MXRA8: variants seen among roughly 807,000 people sequenced by gnomAD.
MXRA8 encodes the protein matrix remodeling-associated protein 8.
In MXRA8, 44 loss-of-function variants were observed where a neutral mutation model predicts 51.4. The ratio of observed to expected loss-of-function variants is 0.86; its 90% confidence interval spans 0.67 to 1.10. The LOEUF (loss-of-function observed/expected upper bound fraction) is 1.10. MXRA8 is among the 50% of genes least tolerant of loss of function. The pLI is 0.00. For missense variants in MXRA8, 765 were observed against 638.9 expected, an observed-to-expected ratio of 1.20 and a Z score of -2.13; for synonymous variants, 369 against 293.5, an observed-to-expected ratio of 1.26 and a Z score of -2.63.
upstream of MXRA8, among the ~76,000 whole-genome samples, chr1:1,360,507 T>TGGGGGGGGGGGGGGGGGC (rs75605518): frequency 2.0e-5 from 3 of 147,734 alleles, no homozygotes; most frequent in Non-Finnish European, 4.5e-5. Context: ...CGCTGGGGGG[T>TGGGGGGGGGGGGGGGGGC]GGTCTGCAGA....
Position 1,353,576 on chromosome 1 carries a change from C to T in MXRA8, c.*28G>A, listed in dbSNP as rs2100795832. On this transcript the variant is annotated 3_prime_UTR_variant, in exon 10 of 10. Transcript: ENST00000309212. ...AGCACAGACAGGAGAGGTGCAGCTG[C>T]TGGCCCAGCCAGGAGCCCAGGGCCT... 1.3e-6 allele frequency: 2 copies of T among 1,556,836 alleles called. No homozygotes were observed. Among genetic ancestry groups the T allele is most frequent in the East Asian group, 4.7e-5 (2 of 42,436 alleles).
At chr1:1,354,630 C>G in intron 5 of MXRA8, 52 bp downstream of exon 5, 1 of 1,541,416 alleles carries the variant, frequency 6.5e-7, no homozygotes, top group Non-Finnish European at 8.7e-7. Flanking sequence ...GCAGAGCAAC[C>G]CCCGGTGGGG....
chr1:1,355,427 GCCCCGGT>G lies in MXRA8; in HGVS notation c.376+16_376+22del, dbSNP rs745665405. The G allele has an allele frequency of 1.2e-4, 182 of 1,485,814 alleles. No individual in the cohort carries two copies. Among genetic ancestry groups the G allele is most frequent in the Non-Finnish European group, 1.5e-4 (168 of 1,126,460 alleles). The allele number at this position is 1,485,814 out of a possible 1,614,324, so 92.0% of individuals were successfully genotyped here. ...CCCGGACCCCTGCCCCGACCCCGCG[GCCCCGGT>G]CCCCGGTCCCCGCACCGCGGATGAG... On this transcript the variant is annotated intron_variant, in intron 3 of 9. Coordinates refer to ENST00000309212, the MANE Select transcript of MXRA8 (RefSeq NM_032348.4).
chr1:1,358,607 G>A (rs1242619337), upstream of MXRA8: 42 of 1,492,568 alleles, frequency 2.8e-5, no homozygotes, highest in Middle Eastern at 5.6e-4. Flanking sequence ...GTGACATCAC[G>A]GAGGCCTGGG....
In MXRA8 at chr1:1,353,160, G is replaced by A. The variant is rs1033385653; in HGVS notation, c.*444C>T. On this transcript the variant is annotated 3_prime_UTR_variant, in exon 10 of 10. Transcript: ENST00000309212. ...CTGACCCCAACTTCAAGGCTGCCAA[G>A]TTCTGATGGGAGTGTCCTCCTCCAG... 19 of 974,112 alleles carry A rather than the reference G, an allele frequency of 2.0e-5. No individual in the cohort carries two copies. In the African/African-American group the frequency reaches 2.9e-4, roughly 15 times the overall value. 60.3% of individuals were successfully genotyped at this position (974,112 alleles called of 1,614,324 possible). A position where few individuals can be genotyped will look rare whatever the true frequency, so the allele number is the denominator to read the frequency against.
In MXRA8 at chr1:1,355,515, T is replaced by C; in HGVS notation, c.311A>G (p.Asp104Gly). ...AGEQRVYEAR[D>G]RGRLELSASA... ...GGCCGAGAGCTCCAGGCGGCCGCGGTCCCGCGCCTCGTACACGCGCTGCTC... is the reference window on the plus strand; with the variant it reads ...GGCCGAGAGCTCCAGGCGGCCGCGGCCCCGCGCCTCGTACACGCGCTGCTC... The change falls in exon 3 of 10, where the codon GAC (aspartate) becomes GGC (glycine). Residue 104 changes from aspartate (D) to glycine (G), a missense_variant. By Grantham distance (94) the Asp-to-Gly change is moderately conservative. Coordinates refer to ENST00000309212, the MANE Select transcript of MXRA8 (RefSeq NM_032348.4). The C allele has an allele frequency of 6.7e-7, 1 of 1,502,002 alleles. No individual in the cohort carries two copies. Among genetic ancestry groups the C allele is most frequent in the Non-Finnish European group, 8.8e-7 (1 of 1,136,690 alleles). 93.0% of individuals were successfully genotyped at this position (1,502,002 alleles called of 1,614,324 possible). A position where few individuals can be genotyped will look rare whatever the true frequency, so the allele number is the denominator to read the frequency against.
At chr1:1,356,483 C>T (rs1644135408) in intron 2 of MXRA8, among the ~76,000 whole-genome samples, 198 bp downstream of exon 2, 1 of 143,552 alleles carries the variant, frequency 7.0e-6, no homozygotes, top group Non-Finnish European at 1.5e-5. Flanking sequence ...GGCCAGGCCC[C>T]CAAGGGCCCT....
At chr1:1,356,781 GT>G in intron 1 of MXRA8, 77 bp from the exon 2 acceptor site, 1 of 1,261,578 alleles carries the variant, frequency 7.9e-7, no homozygotes, top group Non-Finnish European at 1.0e-6. Context: ...GGCCCCCAGA[GT>G]CCCTCCTGTA....
chr1:1,363,511 C>T (rs1018393112), upstream of MXRA8, among the ~76,000 whole-genome samples: 8 of 151,744 alleles, frequency 5.3e-5, no homozygotes, highest in African/African-American at 7.3e-5. Flanking sequence ...TCAGAATCAC[C>T]GCAACCTCTG....
Position 1,354,912 on chromosome 1 carries a change from C to T in MXRA8, c.719G>A (p.Arg240His), listed in dbSNP as rs761825201. 6 of 1,609,656 alleles carry T rather than the reference C, an allele frequency of 3.7e-6. No homozygotes were observed. The highest frequency in any genetic ancestry group is 5.1e-6 in the Non-Finnish European group (6 of 1,178,646). Residue 240 changes from arginine (R) to histidine (H), a missense_variant, in exon 5 of 10, where the codon CGC becomes CAC. By Grantham distance (29) the Arg-to-His change is conservative (BLOSUM62 0). Coordinates refer to ENST00000309212, the MANE Select transcript of MXRA8 (RefSeq NM_032348.4). ...ERRAYGPLFL[R>H]DRVAVGADAF... The stretch of plus-strand genomic sequence containing the variant: ...ATCCGCGCCCACAGCCACGCGGTCG[C>T]GCAGAAAAAGGGGCCCGTAGGCGCG...
intron 4 of MXRA8, 38 bp from the exon 5 acceptor site, chr1:1,355,190 GCGGCGGTCGAGGGTC>G: frequency 7.1e-7 from 1 of 1,416,640 alleles, no homozygotes; most frequent in Non-Finnish European, 9.2e-7. Flanking sequence ...GCGGGCCGGG[GCGGCGGTCGAGGGTC>G]GAGGGGCGGG....
chr1:1,358,667 G>A, upstream of MXRA8: 1 of 1,408,116 alleles, frequency 7.1e-7, no homozygotes, highest in Non-Finnish European at 9.3e-7. Context: ...CGGGCCCCTT[G>A]GCCTCCCCCA....
At position 1,355,306 on chromosome 1, in the gene MXRA8, A is replaced by T; in HGVS notation, c.416T>A (p.Leu139Gln). Residue 139 changes from leucine to glutamine, a missense_variant, in exon 4 of 10, where the codon CTG becomes CAG. Transcript: ENST00000309212. ...GTAGAGGTGGCAGTAGTGATGGTGC[A>T]GGTTGCAGGTGTACAGCCCCGCGTC... ...ETDAGLYTCNLHHHYCHLYES... is the reference protein window; with the variant it reads ...ETDAGLYTCNQHHHYCHLYES... 1 of 1,580,066 alleles carries T rather than the reference A, an allele frequency of 6.3e-7. No homozygotes were observed. The highest frequency in any genetic ancestry group is 1.4e-5 in the African/African-American group (1 of 71,318).
At chr1:1,358,753 T>G, upstream of MXRA8, 1 of 1,320,514 alleles carries the variant, frequency 7.6e-7, no homozygotes, top group Non-Finnish European at 9.6e-7. Context: ...TGGGGAGGGG[T>G]GGTGACCGCA....
At position 1,355,443 on chromosome 1, in the gene MXRA8, C is replaced by A. The variant is rs776031420; in HGVS notation, c.376+7G>T. 15 of 1,492,134 alleles carry A rather than the reference C, an allele frequency of 1.0e-5. No homozygotes were observed. Among genetic ancestry groups the A allele is most frequent in the Non-Finnish European group, 1.2e-5 (14 of 1,130,490 alleles). The allele number at this position is 1,492,134 out of a possible 1,614,324, so 92.4% of individuals were successfully genotyped here. On this transcript the variant is annotated splice_region_variant and intron_variant, in intron 3 of 9. Transcript: ENST00000309212. ...GACCCCGCGGCCCCGGTCCCCGGTC[C>A]CCGCACCGCGGATGAGCAGCGAGAA...
upstream of MXRA8, chr1:1,358,638 C>T (rs937602751): frequency 4.2e-6 from 6 of 1,419,392 alleles, no homozygotes; most frequent in Admixed American, 9.3e-5. Context: ...GTCTGGGGAC[C>T]GCCCCCTCTG....
upstream of MXRA8, chr1:1,361,167 C>T (rs1238498428): frequency 4.5e-6 from 3 of 659,426 alleles, no homozygotes; most frequent in African/African-American, 9.5e-5. Context: ...AACACAAACA[C>T]ACAGACACAG....
upstream of MXRA8, chr1:1,359,371 A>G: frequency 5.1e-6 from 5 of 985,464 alleles, no homozygotes; most frequent in South Asian, 9.4e-5. Context: ...GAAAACTTAC[A>G]AAGTCACATA....
upstream of MXRA8, chr1:1,358,693 T>C: frequency 7.2e-7 from 1 of 1,393,962 alleles, no homozygotes; most frequent in South Asian, 1.7e-5. Context: ...GCTGGCCTGC[T>C]GGGGAGGGGC....
Sources: gnomAD v4.1 joint callset for allele counts (sites outside exome capture counted in the v4.1 genomes callset) on GRCh38, gnomAD v4.1.1 for gene constraint, MANE v1.5 for transcripts, NCBI Gene and HGNC (gene_info 2026-07-23, HGNC 2026-07-21) for gene names.